Variants in HYAL4 observed in about 807,000 individuals in gnomAD.
HYAL4 encodes hyaluronidase-4.
Under a neutral mutation model 35.2 loss-of-function variants are expected in HYAL4, and 37 were observed. The observed-to-expected ratio is 1.05, with a 90% CI of 0.81 to 1.38. The LOEUF (loss-of-function observed/expected upper bound fraction) is 1.38. Among genes scored for constraint, HYAL4 ranks in the 40% most tolerant of loss-of-function variants. HYAL4 has a pLI of 0.00. For synonymous variants in HYAL4, 198 were observed against 203.2 expected (o/e 0.97, Z 0.22); for missense variants, 572 against 572.4 (o/e 1.00, Z 0.01).
At chr7:123,876,397 T>C (rs1240186218) in intron 4 of HYAL4, among the ~76,000 whole-genome samples, 1 of 152,218 alleles carries the variant, frequency 6.6e-6, no homozygotes, top group Non-Finnish European at 1.5e-5. Context: ...TTTCCTTTTA[T>C]ACCCATTAAC....
the HYAL4 span, among the ~76,000 whole-genome samples, chr7:123,768,569 C>T: frequency 1.3e-5 from 2 of 152,126 alleles, no homozygotes; most frequent in East Asian, 1.9e-4. Flanking sequence ...TAAGGTAGGC[C>T]GATTCATCAG....
At chr7:123,768,189 G>A in the HYAL4 span, among the ~76,000 whole-genome samples, 6 of 151,984 alleles carry the variant, frequency 3.9e-5, no homozygotes, top group Non-Finnish European at 7.4e-5. Flanking sequence ...AGAATCATAG[G>A]TGCTATAAAC....
chr7:123,777,065 C>T, the HYAL4 span, among the ~76,000 whole-genome samples: 33 of 152,258 alleles, frequency 2.2e-4, no homozygotes, highest in Admixed American at 2.0e-3. Context: ...CAAGTAATTA[C>T]AGTTAATAAA....
At chr7:123,828,026 C>G (rs1180120298), upstream of HYAL4, among the ~76,000 whole-genome samples, 7 of 152,066 alleles carry the variant, frequency 4.6e-5, no homozygotes, top group African/African-American at 1.7e-4. Context: ...GTTTGCCCAT[C>G]CTAGCTGCAC....
chr7:123,837,787 C>T (rs150759272), intron 1 of HYAL4, among the ~76,000 whole-genome samples: 6,522 of 149,180 alleles, frequency 0.044, 161 homozygotes, highest in Middle Eastern at 0.085. Context: ...TTTGTCCTTG[C>T]GATAGTTTGC....
the HYAL4 span, among the ~76,000 whole-genome samples, chr7:123,777,082 T>G: frequency 6.3e-3 from 963 of 152,278 alleles, 9 homozygotes; most frequent in African/African-American, 0.021. Flanking sequence ...TAAAAACTCC[T>G]TGGCACTCCC....
At chr7:123,774,750 A>G in the HYAL4 span, among the ~76,000 whole-genome samples, 1 of 152,152 alleles carries the variant, frequency 6.6e-6, no homozygotes, top group Non-Finnish European at 1.5e-5. Context: ...TTCCTTGAAC[A>G]TGTGTTCTCT....
the HYAL4 span, among the ~76,000 whole-genome samples, chr7:123,796,186 C>A: frequency 6.6e-6 from 1 of 152,138 alleles, no homozygotes; most frequent in Non-Finnish European, 1.5e-5. Context: ...CACCAAGCAA[C>A]AATTCAAACA....
At chr7:123,802,061 T>A in the HYAL4 span, among the ~76,000 whole-genome samples, 1 of 152,150 alleles carries the variant, frequency 6.6e-6, no homozygotes, top group Non-Finnish European at 1.5e-5. Context: ...TTCTGATTGA[T>A]GAGTGTGTGA....
At chr7:123,782,015 C>T in the HYAL4 span, among the ~76,000 whole-genome samples, 33 of 152,248 alleles carry the variant, frequency 2.2e-4, no homozygotes, top group East Asian at 1.2e-3. Context: ...TCAAGAAATC[C>T]TCCCACCTCA....
the HYAL4 span, among the ~76,000 whole-genome samples, chr7:123,769,757 T>C: frequency 6.6e-6 from 1 of 150,892 alleles, no homozygotes; most frequent in Non-Finnish European, 1.5e-5. Flanking sequence ...GTTTAAACAG[T>C]CCTTTTGTAA....
At chr7:123,847,246 T>C (rs768054215) in intron 1 of HYAL4, among the ~76,000 whole-genome samples, 1 of 152,184 alleles carries the variant, frequency 6.6e-6, no homozygotes, top group African/African-American at 2.4e-5. Flanking sequence ...AGATATACTT[T>C]TAGTTGTTTT....
chr7:123,877,120 C>T lies in HYAL4; in HGVS notation c.1411C>T (p.Leu471=). ...SPGSLMTLCL[L]LLASYRSIQL is the part of the protein sequence containing the mutation. The stretch of plus-strand genomic sequence containing the variant: ...TGGTTCACTAATGACACTTTGTCTA[C>T]TGCTTTTAGCAAGTTATCGAAGCAT... The change falls in exon 5 of 5, where the codon CTG becomes TTG. Residue 471 remains leucine, a synonymous_variant. Transcript: ENST00000223026. 4 of 1,614,046 alleles carry T rather than the reference C, an allele frequency of 2.5e-6. No individual in the cohort carries two copies. Among genetic ancestry groups the T allele is most frequent in the Non-Finnish European group, 3.4e-6 (4 of 1,179,944 alleles).
At chr7:123,856,825 G>C (rs1806447798) in intron 2 of HYAL4, among the ~76,000 whole-genome samples, 1 of 152,198 alleles carries the variant, frequency 6.6e-6, no homozygotes, top group Admixed American at 6.5e-5. Flanking sequence ...AGGGCAATGG[G>C]AGTTTTATCT....
At chr7:123,855,093 T>G (rs1806403502) in intron 2 of HYAL4, among the ~76,000 whole-genome samples, 1 of 152,216 alleles carries the variant, frequency 6.6e-6, no homozygotes. Context: ...AACTTATATG[T>G]GTCTTTACAC....
At chr7:123,785,293 C>T in the HYAL4 span, among the ~76,000 whole-genome samples, 1,209 of 152,240 alleles carry the variant, frequency 7.9e-3, 20 homozygotes, top group African/African-American at 0.028. The surrounding 1 kb of genome is among the most constrained non-coding windows in gnomAD (Gnocchi z 4.5). Context: ...CCCTATGTTG[C>T]CCAGGTTGGC....
intron 3 of HYAL4, among the ~76,000 whole-genome samples, chr7:123,871,326 G>T (rs1806878119): frequency 6.6e-6 from 1 of 151,908 alleles, no homozygotes; most frequent in East Asian, 1.9e-4. Flanking sequence ...AAGTAGCTGA[G>T]GTTACACTGC....
chr7:123,868,511 G>T lies in HYAL4; in HGVS notation c.238G>T (p.Ala80Ser). ...GTTTCCTGTGATTGGAAGCCCACTG[G>T]CCAAGGCCAGGGGGCAAAATGTCAC... Reference protein sequence around the residue: ...KMFPVIGSPLAKARGQNVTIF... With the variant: ...KMFPVIGSPLSKARGQNVTIF... Residue 80 changes from alanine (A) to serine (S), a missense_variant, in exon 3 of 5, where the codon GCC (alanine) becomes TCC (serine). Ala to Ser is a moderately conservative substitution (Grantham distance 99). Transcript: ENST00000223026. 1 of 1,608,622 alleles carries T rather than the reference G, an allele frequency of 6.2e-7. No individual in the cohort carries two copies. Among genetic ancestry groups the T allele is most frequent in the South Asian group, 1.1e-5 (1 of 89,298 alleles).
At chr7:123,861,941 G>A (rs951144137) in intron 2 of HYAL4, among the ~76,000 whole-genome samples, 2 of 152,052 alleles carry the variant, frequency 1.3e-5, no homozygotes, top group South Asian at 2.1e-4. Flanking sequence ...TAAGAAAAAT[G>A]TATGAAAAAT....
Sources: allele counts gnomAD v4.1 joint callset (sites outside exome capture counted in the v4.1 genomes callset), GRCh38; gene constraint gnomAD v4.1.1; non-coding constraint Gnocchi (gnomAD v3.1); transcripts MANE v1.5; gene names NCBI Gene and HGNC (gene_info 2026-07-23, HGNC 2026-07-21).